Variants in PHTF2 observed in about 807,000 individuals in gnomAD.
PHTF2 encodes protein PHTF2.
A neutral mutation model predicts 101.2 loss-of-function variants in PHTF2; 60 were observed. The ratio of observed to expected loss-of-function variants is 0.59; its 90% CI spans 0.48 to 0.73. The LOEUF is 0.73. PHTF2 is among the 30% of genes least tolerant of loss of function. The pLI is 0.00. For synonymous variants in PHTF2, 311 were observed against 307.3 expected, an observed-to-expected ratio of 1.01 and a Z score of -0.13; for missense variants, 747 against 908.7, an observed-to-expected ratio of 0.82 and a Z score of 2.29.
chr7:77,824,661 C>A (rs759634219), intron 1 of PHTF2, among the ~76,000 whole-genome samples: 1 of 152,162 alleles, frequency 6.6e-6, no homozygotes, highest in East Asian at 1.9e-4. Context: ...ACTTCGTGAT[C>A]TGCCCGCCTT....
chr7:77,897,009 T>C (rs1800931296), intron 5 of PHTF2, among the ~76,000 whole-genome samples: 1 of 152,170 alleles, frequency 6.6e-6, no homozygotes, highest in African/African-American at 2.4e-5. Flanking sequence ...ATTTTAGAAA[T>C]TATAACTAAA....
At chr7:77,924,451 C>T (rs576083994) in intron 11 of PHTF2, among the ~76,000 whole-genome samples, 20 of 152,218 alleles carry the variant, frequency 1.3e-4, no homozygotes, top group African/African-American at 4.6e-4. Context: ...AGGAAATATA[C>T]AAAATGACTG....
exon 12 of PHTF2, chr7:77,929,271 A>T (rs1445475654): frequency 6.2e-7 from 1 of 1,612,316 alleles, no homozygotes; most frequent in Non-Finnish European, 8.5e-7. Context: ...AGATGTGGAA[A>T]ATCATCAGAT....
At chr7:77,818,122 A>C (rs1466293049) in intron 1 of PHTF2, among the ~76,000 whole-genome samples, 1 of 152,056 alleles carries the variant, frequency 6.6e-6, no homozygotes, top group African/African-American at 2.4e-5. Context: ...AAAAAAAAAA[A>C]AAACAACAGT....
intron 11 of PHTF2, chr7:77,923,541 C>G (rs1803679320): frequency 2.0e-6 from 2 of 985,092 alleles, no homozygotes; most frequent in African/African-American, 1.7e-5. Flanking sequence ...GCACACTCTT[C>G]TTTGTGGTTG....
At chr7:77,919,022 A>T (rs1397633700) in intron 9 of PHTF2, among the ~76,000 whole-genome samples, 1 of 152,226 alleles carries the variant, frequency 6.6e-6, no homozygotes, top group South Asian at 2.1e-4. Flanking sequence ...GTGTGTTAAA[A>T]AATCCTAACA....
At chr7:77,892,810 T>G (rs1347671834) in intron 3 of PHTF2, among the ~76,000 whole-genome samples, 1 of 152,220 alleles carries the variant, frequency 6.6e-6, no homozygotes, top group Non-Finnish European at 1.5e-5. Context: ...AAATAGAAGC[T>G]GTAAGAAATT....
chr7:77,855,907 A>G (rs926473290), intron 3 of PHTF2, among the ~76,000 whole-genome samples: 17 of 152,116 alleles, frequency 1.1e-4, no homozygotes, highest in Non-Finnish European at 2.9e-5. Flanking sequence ...TACCCTTTTC[A>G]GTGTGTCTTT....
intron 3 of PHTF2, among the ~76,000 whole-genome samples, chr7:77,866,609 TA>T (rs545195144): frequency 9.8e-4 from 144 of 146,212 alleles, no homozygotes; most frequent in African/African-American, 2.8e-3. Context: ...GTCTCGTCAG[TA>T]AAAAAAAAAA....
rs1281482807 is a variant in PHTF2, at chr7:77,937,705, TA to T, written c.1339-4del. 15 of 1,253,342 alleles carry T rather than the reference TA, an allele frequency of 1.2e-5. No homozygotes were observed. Among genetic ancestry groups the T allele is most frequent in the South Asian group, 2.0e-5 (1 of 50,896 alleles). 77.6% of individuals were successfully genotyped at this position (1,253,342 alleles called of 1,614,324 possible). The stretch of plus-strand genomic sequence containing the variant: ...TATATTTACTAATTTTTTTTTTTTT[TA>T]TAGAGTCATTTGCCCTGGCTCCATA... On this transcript the variant is annotated splice_region_variant and splice_polypyrimidine_tract_variant and intron_variant, in intron 12 of 19. Transcript: ENST00000416283.
At chr7:77,860,772 C>G (rs1381825408) in intron 3 of PHTF2, among the ~76,000 whole-genome samples, 2 of 152,038 alleles carry the variant, frequency 1.3e-5, no homozygotes, top group African/African-American at 4.8e-5. Flanking sequence ...AGTGCAGTGG[C>G]ACAATCACGG....
At chr7:77,938,209 CTT>C (rs1005088926) in intron 13 of PHTF2, among the ~76,000 whole-genome samples, 22 of 152,164 alleles carry the variant, frequency 1.4e-4, no homozygotes, top group African/African-American at 5.1e-4. Context: ...ATTAAAAAGA[CTT>C]ATTTTTCTGT....
At position 77,951,640 on chromosome 7, in the gene PHTF2, GA is replaced by G; in HGVS notation, c.2145del (p.Lys715AsnfsTer8). The G allele has an allele frequency of 1.4e-6, 2 of 1,449,526 alleles. No individual in the cohort carries two copies. The highest frequency in any genetic ancestry group is 1.9e-6 in the Non-Finnish European group (2 of 1,068,072). 89.8% of individuals were successfully genotyped at this position (1,449,526 alleles called of 1,614,324 possible). The stretch of plus-strand genomic sequence containing the variant: ...AGATAAACCTCTACTTGAAAATGGA[GA>G]AAAAACCTAACAAAAAGGAGGAACT... On this transcript the variant is annotated frameshift_variant, in exon 18 of 20. Transcript: ENST00000416283. LOFTEE classifies it high-confidence loss of function.
intron 1 of PHTF2, among the ~76,000 whole-genome samples, chr7:77,815,218 T>G (rs1419586621): frequency 1.3e-5 from 2 of 152,212 alleles, no homozygotes; most frequent in Non-Finnish European, 2.9e-5. Context: ...GTTCAGCCTT[T>G]GCTGGGAACA....
At chr7:77,954,097 A>G (rs1415846948) in intron 19 of PHTF2, among the ~76,000 whole-genome samples, 3 of 152,164 alleles carry the variant, frequency 2.0e-5, no homozygotes, top group Non-Finnish European at 4.4e-5. Context: ...TTTATTATAA[A>G]TAGAAGTCTT....
chr7:77,940,014 C>G lies in PHTF2; in HGVS notation c.1468-16C>G. On this transcript the variant is annotated splice_polypyrimidine_tract_variant and intron_variant, in intron 13 of 19. Transcript: ENST00000416283. The stretch of plus-strand genomic sequence containing the variant: ...TTTTATTTTTCTTTTCTCTCTCTTC[C>G]CCTGGCTCCCTCAAGGTGAACAGCC... 1.3e-6 allele frequency: 2 copies of G among 1,569,546 alleles called. No individual in the cohort carries two copies. Among genetic ancestry groups the G allele is most frequent in the East Asian group, 2.3e-5 (1 of 44,240 alleles).
chr7:77,850,360 C>CAAAA (rs71082789), intron 2 of PHTF2, among the ~76,000 whole-genome samples: 548 of 44,372 alleles, frequency 0.012, 42 homozygotes, highest in African/African-American at 0.03. Flanking sequence ...GACCTTGTCT[C>CAAAA]AAAAAAAAAA....
intron 1 of PHTF2, among the ~76,000 whole-genome samples, chr7:77,837,169 C>A (rs1179760617): frequency 6.6e-6 from 1 of 151,904 alleles, no homozygotes; most frequent in Non-Finnish European, 1.5e-5. Context: ...ATCAGTTGAT[C>A]AAAAAAGATT....
chr7:77,887,624 C>G (rs558485485), intron 3 of PHTF2, among the ~76,000 whole-genome samples: 34 of 152,280 alleles, frequency 2.2e-4, no homozygotes, highest in African/African-American at 7.7e-4. Flanking sequence ...GGAAGAAAAT[C>G]TTTAATTGAC....
Sources: gnomAD v4.1 joint callset for allele counts (sites outside exome capture counted in the v4.1 genomes callset) on GRCh38, gnomAD v4.1.1 for gene constraint, MANE v1.5 for transcripts, NCBI Gene and HGNC (gene_info 2026-07-23, HGNC 2026-07-21) for gene names.